The following NCK2 variants were observed in gnomAD, a reference collection of about 807,000 sequenced individuals.
NCK2 encodes the protein cytoplasmic protein NCK2.
Under a neutral mutation model 33.9 loss-of-function variants are expected in NCK2, and 16 were observed. The observed-to-expected ratio is 0.47, with a 90% CI of 0.32 to 0.72. The LOEUF is 0.72. Among genes scored for constraint, NCK2 ranks in the 30% least tolerant of loss-of-function variants. The pLI is 0.03. For synonymous variants in NCK2, 273 were observed against 239.9 expected (o/e 1.14, Z -1.27); for missense variants, 418 against 537.3 (o/e 0.78, Z 2.19).
intron 2 of NCK2, among the ~76,000 whole-genome samples, chr2:105,818,522 A>G (rs972913829): frequency 6.6e-6 from 1 of 152,122 alleles, no homozygotes; most frequent in African/African-American, 2.4e-5. Flanking sequence ...TATATTTCCA[A>G]CATGGTATAT....
chr2:105,755,078 T>C (rs1455321752), intron 1 of NCK2, among the ~76,000 whole-genome samples: 2 of 152,194 alleles, frequency 1.3e-5, no homozygotes, highest in East Asian at 1.9e-4. Context: ...TGCCCTCATA[T>C]GACTTTTCTT....
intron 3 of NCK2, among the ~76,000 whole-genome samples, chr2:105,880,936 A>ATTTTTTTTTTTTTTTTTTTTTTTTTT: frequency 9.7e-6 from 1 of 103,560 alleles, no homozygotes; most frequent in African/African-American, 3.5e-5. Context: ...CAGGTGGCTA[A>ATTTTTTTTTTTTTTTTTTTTTTTTTT]TTTTTTTTTT....
chr2:105,811,475 C>T (rs1210326701), intron 1 of NCK2, among the ~76,000 whole-genome samples: 1 of 152,146 alleles, frequency 6.6e-6, no homozygotes, highest in Non-Finnish European at 1.5e-5. Context: ...CTTAGAATGA[C>T]CTTGTGTGGC....
intron 1 of NCK2, among the ~76,000 whole-genome samples, chr2:105,779,597 G>A (rs567805903): frequency 8.5e-5 from 13 of 152,166 alleles, no homozygotes; most frequent in Non-Finnish European, 1.8e-4. Context: ...CATTCTTTGT[G>A]CTTTACACTT....
rs779724766 is a variant in NCK2 at position 105,893,082 on chromosome 2, A to T, written c.1049A>T (p.His350Leu). 9.9e-6 allele frequency: 16 copies of T among 1,614,108 alleles called. No homozygotes were observed. The highest frequency in any genetic ancestry group is 1.6e-4 in the Middle Eastern group (1 of 6,062). Reference protein sequence around the residue: ...NVYCIGQRRFHTMDELVEHYK... With the variant: ...NVYCIGQRRFLTMDELVEHYK... ...TACTGCATTGGGCAGCGGCGCTTCCACACCATGGACGAGCTGGTGGAACAC... is the reference window on the plus strand; with the variant it reads ...TACTGCATTGGGCAGCGGCGCTTCCTCACCATGGACGAGCTGGTGGAACAC... The change falls in exon 5 of 5, where the codon CAC (histidine) becomes CTC (leucine). Residue 350 changes from histidine (H) to leucine (L), a missense_variant. Coordinates refer to ENST00000233154, the MANE Select transcript of NCK2 (RefSeq NM_003581.5).
intron 1 of NCK2, among the ~76,000 whole-genome samples, chr2:105,781,705 C>T (rs559049010): frequency 2.7e-4 from 41 of 152,290 alleles, no homozygotes; most frequent in Middle Eastern, 3.4e-3. Flanking sequence ...AAGTACAGAG[C>T]CTGTGGCTTG....
At chr2:105,851,672 A>G (rs1314742062) in intron 2 of NCK2, 2 of 152,340 alleles carry the variant, frequency 1.3e-5, no homozygotes, top group Admixed American at 6.5e-5. Context: ...GATTACGCCA[A>G]TGGAGCTGTC....
At chr2:105,757,489 G>T (rs1689632301) in intron 1 of NCK2, among the ~76,000 whole-genome samples, 1 of 152,190 alleles carries the variant, frequency 6.6e-6, no homozygotes, top group Non-Finnish European at 1.5e-5. Flanking sequence ...AGGCTACGTT[G>T]TTCATCCTGC....
At chr2:105,835,402 T>TATATATATATATATATATATATAC (rs1278239028) in intron 2 of NCK2, among the ~76,000 whole-genome samples, 1 of 73,114 alleles carries the variant, frequency 1.4e-5, no homozygotes, top group Non-Finnish European at 3.3e-5. Context: ...TATATATATA[T>TATATATATATATATATATATATAC]ATACGTGTAT....
chr2:105,855,174 G>T lies in NCK2; in HGVS notation c.111G>T (p.Thr37=), dbSNP rs777564175. The change falls in exon 3 of 5, where the codon ACG becomes ACT. Residue 37 remains threonine (T), a synonymous_variant. Transcript: ENST00000233154. ...TGTGGTTGCTGGACGACTCCAAGAC[G>T]TGGTGGCGGGTGAGGAACGCGGCCA... ...ERLWLLDDSK[T]WWRVRNAANR... The T allele has an allele frequency of 6.3e-5, 102 of 1,614,214 alleles. No homozygotes were observed. Among genetic ancestry groups the T allele is most frequent in the Non-Finnish European group, 8.4e-5 (99 of 1,180,040 alleles).
At chr2:105,830,779 C>CT in intron 2 of NCK2, among the ~76,000 whole-genome samples, 1 of 150,996 alleles carries the variant, frequency 6.6e-6, no homozygotes. Flanking sequence ...TTGCATTTCT[C>CT]TGATGATTAG....
intron 4 of NCK2, 51 bp downstream of exon 4, chr2:105,882,100 C>G: frequency 6.9e-7 from 1 of 1,457,260 alleles, no homozygotes; most frequent in Non-Finnish European, 9.1e-7. Context: ...ATGCGCCTTG[C>G]GCGGTGGGTC....
At chr2:105,822,327 A>G (rs1028066035) in intron 2 of NCK2, among the ~76,000 whole-genome samples, 1 of 150,260 alleles carries the variant, frequency 6.7e-6, no homozygotes, top group African/African-American at 2.5e-5. Flanking sequence ...AGCTCCACCC[A>G]TGGAGGCCCA....
intron 3 of NCK2, among the ~76,000 whole-genome samples, chr2:105,863,485 C>T (rs971372445): frequency 3.9e-5 from 6 of 152,112 alleles, no homozygotes; most frequent in African/African-American, 1.4e-4. Flanking sequence ...GCAACCCCAA[C>T]AGTGTAATAG....
At chr2:105,885,782 A>G (rs971825885) in intron 4 of NCK2, among the ~76,000 whole-genome samples, 2 of 152,194 alleles carry the variant, frequency 1.3e-5, no homozygotes, top group Non-Finnish European at 2.9e-5. Context: ...GCATAATACT[A>G]CATTTCCATG....
intron 2 of NCK2, among the ~76,000 whole-genome samples, chr2:105,827,789 T>C (rs1286993624): frequency 2.0e-5 from 3 of 152,226 alleles, no homozygotes; most frequent in Non-Finnish European, 2.9e-5. Flanking sequence ...GGTTAGTGTT[T>C]ACAAGGGGTT....
chr2:105,788,729 T>G (rs1456563476), intron 1 of NCK2, among the ~76,000 whole-genome samples: 1 of 152,164 alleles, frequency 6.6e-6, no homozygotes, highest in Non-Finnish European at 1.5e-5. Flanking sequence ...ATGCATAATT[T>G]TTTTTGTTTG....
intron 1 of NCK2, among the ~76,000 whole-genome samples, chr2:105,798,356 G>A (rs931324733): frequency 5.3e-5 from 8 of 152,102 alleles, no homozygotes; most frequent in African/African-American, 1.7e-4. Context: ...AACTGGGTTA[G>A]CTGAGTCATT....
rs1446187754 is a variant in NCK2 at position 105,893,425 on chromosome 2, CG to C, written c.*251del. 4.6e-6 allele frequency: 2 copies of C among 437,966 alleles called. No homozygotes were observed. The highest frequency in any genetic ancestry group is 3.9e-5 in the African/African-American group (2 of 51,172). 27.1% of individuals were successfully genotyped at this position (437,966 alleles called of 1,614,324 possible). A position where few individuals can be genotyped will look rare whatever the true frequency, so the allele number is the denominator to read the frequency against. ...CGAGTTCACATTATTCCTTTTCCATCGGAAGTGGCGCTCGTGCATTCAACTC... is the reference window on the plus strand; with the variant it reads ...CGAGTTCACATTATTCCTTTTCCATCGAAGTGGCGCTCGTGCATTCAACTC... On this transcript the variant is annotated 3_prime_UTR_variant, in exon 5 of 5. Coordinates refer to ENST00000233154, the MANE Select transcript of NCK2 (RefSeq NM_003581.5).
Sources: allele counts gnomAD v4.1 joint callset (sites outside exome capture counted in the v4.1 genomes callset), GRCh38; gene constraint gnomAD v4.1.1; transcripts MANE v1.5; gene names NCBI Gene and HGNC (gene_info 2026-07-23, HGNC 2026-07-21).